Variants in ROBO2 observed in about 807,000 individuals in gnomAD.
ROBO2 encodes roundabout guidance receptor 2.
ROBO2 carries 53 observed loss-of-function variants against 160.8 expected under a neutral mutation model. The ratio of observed to expected loss-of-function variants is 0.33; its 90% CI spans 0.26 to 0.41. The LOEUF (loss-of-function observed/expected upper bound fraction) is 0.41. Ranked by LOEUF, ROBO2 falls within the 10% of genes least tolerant of loss-of-function variation. The pLI, the probability that ROBO2 is intolerant of heterozygous loss-of-function variation, is 1.00. For missense variants in ROBO2, 1,577 were observed against 1,722.4 expected, an observed-to-expected ratio of 0.92 and a Z score of 1.49; for synonymous variants, 664 against 611.7, an observed-to-expected ratio of 1.09 and a Z score of -1.26.
At chr3:77,072,628 G>C (rs1578727465) in intron 1 of ROBO2, among the ~76,000 whole-genome samples, 1 of 152,210 alleles carries the variant, frequency 6.6e-6, no homozygotes, top group South Asian at 2.1e-4. Flanking sequence ...TATCCCCCTT[G>C]ATTGCATTTA....
intron 2 of ROBO2, among the ~76,000 whole-genome samples, chr3:76,488,575 C>A (rs986578527): frequency 1.3e-5 from 2 of 152,138 alleles, no homozygotes; most frequent in Non-Finnish European, 2.9e-5. Flanking sequence ...GACTTCTAGA[C>A]CCAGATTTAA....
chr3:76,171,889 T>A (rs2073053133), intron 2 of ROBO2, among the ~76,000 whole-genome samples: 1 of 152,040 alleles, frequency 6.6e-6, no homozygotes, highest in Non-Finnish European at 1.5e-5. Context: ...TCAGAAGAGA[T>A]GTCTAGTGAA....
chr3:75,938,150 A>G (rs895221462), intron 2 of ROBO2, among the ~76,000 whole-genome samples: 1 of 151,942 alleles, frequency 6.6e-6, no homozygotes, highest in Non-Finnish European at 1.5e-5. Context: ...AGGGGAAATT[A>G]ATGATAGAGT....
intron 2 of ROBO2, among the ~76,000 whole-genome samples, chr3:77,305,830 T>C (rs981185961): frequency 6.6e-6 from 1 of 152,110 alleles, no homozygotes; most frequent in Non-Finnish European, 1.5e-5. Context: ...CCAGATGGAG[T>C]ATGAAATTAG....
chr3:77,192,279 T>G (rs1313626599), intron 2 of ROBO2, among the ~76,000 whole-genome samples: 5 of 152,144 alleles, frequency 3.3e-5, no homozygotes, highest in African/African-American at 1.2e-4. Context: ...GATTCTTTAT[T>G]TAAAAAAAGG....
chr3:76,235,471 A>G (rs1704885715), intron 2 of ROBO2, among the ~76,000 whole-genome samples: 1 of 152,182 alleles, frequency 6.6e-6, no homozygotes, highest in Non-Finnish European at 1.5e-5. Context: ...ACTGCGGAGA[A>G]TACATTTTGT....
At chr3:76,915,846 G>A (rs936170916) in intron 2 of ROBO2, among the ~76,000 whole-genome samples, 7 of 152,066 alleles carry the variant, frequency 4.6e-5, no homozygotes, top group Admixed American at 1.3e-4. Context: ...TATTACTCAC[G>A]GTTCTGGATC....
intron 2 of ROBO2, among the ~76,000 whole-genome samples, chr3:75,992,590 G>C (rs1192072865): frequency 2.6e-5 from 4 of 152,182 alleles, no homozygotes; most frequent in Admixed American, 1.3e-4. Context: ...GGGAAATGTG[G>C]AGTTGGAGCC....
intron 2 of ROBO2, among the ~76,000 whole-genome samples, chr3:77,357,309 T>C (rs1217717567): frequency 6.6e-6 from 1 of 151,956 alleles, no homozygotes; most frequent in African/African-American, 2.4e-5. Flanking sequence ...ATTGCAGGAG[T>C]GGGTTCCTTA....
intron 2 of ROBO2, among the ~76,000 whole-genome samples, chr3:76,331,931 A>C (rs2073519843): frequency 6.6e-6 from 1 of 152,034 alleles, no homozygotes; most frequent in African/African-American, 2.4e-5. Flanking sequence ...TGATCCGCCC[A>C]GCTCGACCTC....
At position 76,622,237 on chromosome 3, in the gene ROBO2, A is replaced by AAGAAAGAAAGAAAGAAAGAAAGAAG. The variant is rs1578621790; in HGVS notation, c.110-475777_110-475776insAGAAAGAAAGAAAGAAAGAAAGAAG. 5.3e-3 allele frequency among the ~76,000 whole-genome samples: 212 copies of AAGAAAGAAAGAAAGAAAGAAAGAAG among 40,226 alleles called. 9 individuals are homozygous for AAGAAAGAAAGAAAGAAAGAAAGAAG. Among genetic ancestry groups the AAGAAAGAAAGAAAGAAAGAAAGAAG allele is most frequent in the East Asian group, 0.011 (12 of 1,052 alleles). 26.4% of individuals were successfully genotyped at this position (40,226 alleles called of 152,430 possible). On this transcript the variant is annotated intron_variant, in intron 2 of 26. Transcript: ENST00000487694. ...AAGGAAGGAAGGAAGGAAGGAAGGA[A>AAGAAAGAAAGAAAGAAAGAAAGAAG]GAAAGAAAGAAAGAAAGAAAGAAAG...
intron 2 of ROBO2, among the ~76,000 whole-genome samples, chr3:76,438,745 A>G (rs571210489): frequency 1.3e-5 from 2 of 152,138 alleles, no homozygotes; most frequent in Non-Finnish European, 2.9e-5. Context: ...TGGTTAATGC[A>G]GAAACATCTT....
intron 5 of ROBO2, among the ~76,000 whole-genome samples, chr3:77,515,477 G>T (rs1008847986): frequency 6.6e-6 from 1 of 151,530 alleles, no homozygotes. Context: ...AGGCCAACAC[G>T]CACACACACA....
intron 2 of ROBO2, among the ~76,000 whole-genome samples, chr3:76,715,514 C>G (rs2093365475): frequency 6.6e-6 from 1 of 152,110 alleles, no homozygotes; most frequent in African/African-American, 2.4e-5. Context: ...TCCTTTTGTT[C>G]TTGTTGTATC....
intron 13 of ROBO2, among the ~76,000 whole-genome samples, chr3:77,570,144 G>GA: frequency 6.6e-6 from 1 of 151,984 alleles, no homozygotes; most frequent in East Asian, 1.9e-4. Context: ...ATTCTCAATT[G>GA]AAAAAAGTCT....
chr3:75,924,481 A>G (rs1426232538), intron 1 of ROBO2, among the ~76,000 whole-genome samples: 1 of 152,046 alleles, frequency 6.6e-6, no homozygotes, highest in African/African-American at 2.4e-5. Context: ...TGATAACTCG[A>G]TTTTAGCACA....
intron 2 of ROBO2, among the ~76,000 whole-genome samples, chr3:76,218,598 A>C (rs1039976818): frequency 6.6e-6 from 1 of 152,202 alleles, no homozygotes; most frequent in African/African-American, 2.4e-5. Flanking sequence ...TAGGAATCCA[A>C]CTTACAAGGG....
At chr3:76,400,001 C>T (rs1244181491) in intron 2 of ROBO2, among the ~76,000 whole-genome samples, 12 of 151,562 alleles carry the variant, frequency 7.9e-5, no homozygotes, top group Admixed American at 7.3e-4. Context: ...ATGGATATTA[C>T]GACAAGTGTA....
intron 2 of ROBO2, among the ~76,000 whole-genome samples, chr3:77,237,831 G>A (rs2088307345): frequency 6.6e-6 from 1 of 152,116 alleles, no homozygotes; most frequent in African/African-American, 2.4e-5. Flanking sequence ...CTTTCCAAGT[G>A]GCTGTACCAT....
Sources: allele counts gnomAD v4.1 joint callset (sites outside exome capture counted in the v4.1 genomes callset), GRCh38; gene constraint gnomAD v4.1.1; transcripts MANE v1.5; gene names NCBI Gene and HGNC (gene_info 2026-07-23, HGNC 2026-07-21).